NCAPG: variants seen among roughly 807,000 people sequenced by gnomAD.
NCAPG encodes non-SMC condensin I complex subunit G.
A neutral mutation model predicts 113.1 loss-of-function variants in NCAPG; 69 were observed. The observed-to-expected ratio is 0.61, with a 90% CI of 0.50 to 0.75. The LOEUF (loss-of-function observed/expected upper bound fraction) is 0.75, where lower values mean the gene tolerates loss of function less well. Among genes scored for constraint, NCAPG ranks in the 30% least tolerant of loss-of-function variants. The pLI, the probability that NCAPG is intolerant of heterozygous loss-of-function variation, is 0.00. For synonymous variants in NCAPG, 370 were observed against 415.8 expected, an observed-to-expected ratio of 0.89 and a Z score of 1.34; for missense variants, 1,058 against 1,177.0, an observed-to-expected ratio of 0.90 and a Z score of 1.48.
rs148417654 is a variant in NCAPG, at chr4:17,843,979, A to C, written c.*554A>C. 1 of 152,118 alleles carries C rather than the reference A, an allele frequency of 6.6e-6. No homozygotes were observed. Among genetic ancestry groups the C allele is most frequent in the East Asian group, 1.9e-4 (1 of 5,184 alleles). The allele number at this position is 152,118 out of a possible 1,614,324, so 9.4% of individuals were successfully genotyped here. A position where few individuals can be genotyped will look rare whatever the true frequency, so the allele number is the denominator to read the frequency against. ...ATTTTGTGATTCCTACAGTGAAAAC[A>C]TTTTTGGTGATATCTGCCTGGGAAA... On this transcript the variant is annotated 3_prime_UTR_variant, in exon 21 of 21. Coordinates refer to ENST00000251496, the MANE Select transcript of NCAPG (RefSeq NM_022346.5).
In NCAPG at chr4:17,844,453, GTA is replaced by G. The variant is rs1722729770; in HGVS notation, c.*1029_*1030del. 6.6e-6 allele frequency: 1 copy of G among 152,390 alleles called. No homozygotes were observed. The highest frequency in any genetic ancestry group is 1.5e-5 in the Non-Finnish European group (1 of 67,866). The allele number at this position is 152,390 out of a possible 1,614,324, so 9.4% of individuals were successfully genotyped here. A position where few individuals can be genotyped will look rare whatever the true frequency, so the allele number is the denominator to read the frequency against. ...GGTGAAATTTTAAGATGGAGCTAAA[GTA>G]AGATCACTGGTTTTTAGAACCAAAT... is the stretch of plus-strand genomic sequence containing the variant. On this transcript the variant is annotated 3_prime_UTR_variant, in exon 21 of 21. Coordinates refer to ENST00000251496, the MANE Select transcript of NCAPG (RefSeq NM_022346.5).
At chr4:17,813,246 G>A (rs1388334430) in intron 3 of NCAPG, 101 bp downstream of exon 3, 2 of 911,072 alleles carry the variant, frequency 2.2e-6, no homozygotes, top group Non-Finnish European at 3.2e-6. Flanking sequence ...AAGAGTATAG[G>A]TAATTAATAT....
At chr4:17,825,341 AG>A (rs760121954) in intron 10 of NCAPG, 40 bp from the exon 11 acceptor site, 1 of 1,493,124 alleles carries the variant, frequency 6.7e-7, no homozygotes, top group South Asian at 1.3e-5. Flanking sequence ...TCATATTAAC[AG>A]TTTTTGTTCA....
intron 19 of NCAPG, 188 bp from the exon 20 acceptor site, chr4:17,842,122 T>A (rs1722468999): frequency 1.9e-6 from 1 of 532,038 alleles, no homozygotes; most frequent in South Asian, 2.5e-5. Flanking sequence ...AATTAAGTTT[T>A]AATCTTGCTT....
Position 17,844,818 on chromosome 4 carries a change from C to T in NCAPG, c.*1393C>T, listed in dbSNP as rs926654057. Reference sequence around the variant, plus strand: ...CCATGTTCTCATGTGGTTTACCATACCAAAGCTTGCTTTCTCTGGCATGGG... The same window carrying T: ...CCATGTTCTCATGTGGTTTACCATATCAAAGCTTGCTTTCTCTGGCATGGG... On this transcript the variant is annotated 3_prime_UTR_variant, in exon 21 of 21. Coordinates refer to ENST00000251496, the MANE Select transcript of NCAPG (RefSeq NM_022346.5). 1.3e-5 allele frequency: 2 copies of T among 152,308 alleles called. No individual in the cohort carries two copies. The highest frequency in any genetic ancestry group is 2.4e-5 in the African/African-American group (1 of 41,434). 9.4% of individuals were successfully genotyped at this position (152,308 alleles called of 1,614,324 possible).
At chr4:17,815,412 T>A in intron 5 of NCAPG, 54 bp downstream of exon 5, 1 of 1,310,200 alleles carries the variant, frequency 7.6e-7, no homozygotes, top group South Asian at 1.3e-5. Flanking sequence ...GAGGTCAGAC[T>A]TAACAAGGTT....
chr4:17,835,058 G>T (rs1722039188), intron 14 of NCAPG, among the ~76,000 whole-genome samples: 1 of 152,006 alleles, frequency 6.6e-6, no homozygotes, highest in African/African-American at 2.4e-5. Flanking sequence ...TTTTATATTG[G>T]GTGGGTAGAA....
intron 7 of NCAPG, among the ~76,000 whole-genome samples, chr4:17,819,759 A>G (rs544772987): frequency 1.3e-5 from 2 of 149,158 alleles, no homozygotes; most frequent in Admixed American, 1.3e-4. Flanking sequence ...AATTATCTGT[A>G]TGAAGTACAG....
At chr4:17,818,193 T>A in intron 7 of NCAPG, 105 bp downstream of exon 7, 2 of 1,289,272 alleles carry the variant, frequency 1.6e-6, no homozygotes, top group Non-Finnish European at 1.1e-6. Flanking sequence ...ATGTTAAAAA[T>A]CCTTTTTTTG....
In NCAPG at chr4:17,842,323, GAC is replaced by G; in HGVS notation, c.2870_2871del (p.Thr957SerfsTer4). The G allele has an allele frequency of 1.2e-6, 2 of 1,611,980 alleles. No homozygotes were observed. Among genetic ancestry groups the G allele is most frequent in the Non-Finnish European group, 1.7e-6 (2 of 1,178,406 alleles). On this transcript the variant is annotated frameshift_variant, in exon 20 of 21. Coordinates refer to ENST00000251496, the MANE Select transcript of NCAPG (RefSeq NM_022346.5). LOFTEE classifies it high-confidence loss of function. ...LKTNRGQRKV[T>X]VSARTNRRCQ... Reference sequence around the variant, plus strand: ...ACTATCTTCAAGGACAGAGAAAAGTGACAGTTTCAGCTAGGACGAACAGGAGG... The same window carrying G: ...ACTATCTTCAAGGACAGAGAAAAGTGAGTTTCAGCTAGGACGAACAGGAGG...
Position 17,812,940 on chromosome 4 carries a change from A to G in NCAPG, c.339A>G (p.Ala113=), listed in dbSNP as rs747863006. The G allele has an allele frequency of 4.3e-6, 7 of 1,613,904 alleles. No individual in the cohort carries two copies. Among genetic ancestry groups the G allele is most frequent in the Non-Finnish European group, 5.1e-6 (6 of 1,179,920 alleles). Residue 113 remains alanine, a synonymous_variant, in exon 3 of 21, where the codon GCA becomes GCG. Coordinates refer to ENST00000251496, the MANE Select transcript of NCAPG (RefSeq NM_022346.5). ...LLKSHEANSN[A]VRFRVCLLIN... ...AGTCTCATGAAGCAAACAGCAATGC[A>G]GTGAGATTTAGAGTGTGCCTGCTCA...
In NCAPG at chr4:17,839,970, T is replaced by C. The variant is rs978167139; in HGVS notation, c.2629-101T>C. On this transcript the variant is annotated intron_variant, in intron 17 of 20. Coordinates refer to ENST00000251496, the MANE Select transcript of NCAPG (RefSeq NM_022346.5). ...TGAAGTATTTTCTTCATAAATTTCA[T>C]ATAATTTAGTGTTTTTAAACAACTT... 14 of 1,459,442 alleles carry C rather than the reference T, an allele frequency of 9.6e-6. No individual in the cohort carries two copies. In the Admixed American group the frequency reaches 1.0e-4, roughly 11 times the overall value. The allele number at this position is 1,459,442 out of a possible 1,614,324, so 90.4% of individuals were successfully genotyped here. A position where few individuals can be genotyped will look rare whatever the true frequency, so the allele number is the denominator to read the frequency against.
At chr4:17,826,875 G>A (rs1721675556) in intron 11 of NCAPG, among the ~76,000 whole-genome samples, 1 of 152,230 alleles carries the variant, frequency 6.6e-6, no homozygotes, top group South Asian at 2.1e-4. Context: ...TTCTGTGGTA[G>A]TCACAGCATT....
intron 8 of NCAPG, 115 bp from the exon 9 acceptor site, chr4:17,823,532 T>C (rs962006741): frequency 4.5e-6 from 4 of 896,738 alleles, no homozygotes; most frequent in South Asian, 1.8e-5. Flanking sequence ...ATTATAGTGA[T>C]AAACCTAAGT....
Position 17,840,111 on chromosome 4 carries a change from T to C in NCAPG, c.2669T>C (p.Ile890Thr). Reference protein sequence around the residue: ...DRTCLRALEKIKIQLEKGNKE... With the variant: ...DRTCLRALEKTKIQLEKGNKE... ...ACATGTCTGAGAGCTTTGGAGAAAA[T>C]CAAGATTCAGTTAGAAAAAGGAAAT... Residue 890 changes from isoleucine (I) to threonine (T), a missense_variant, in exon 18 of 21, where the codon ATC becomes ACC. Ile to Thr is a moderately conservative substitution (Grantham distance 89, BLOSUM62 -1). Coordinates refer to ENST00000251496, the MANE Select transcript of NCAPG (RefSeq NM_022346.5). 1 of 1,611,660 alleles carries C rather than the reference T, an allele frequency of 6.2e-7. No individual in the cohort carries two copies. Among genetic ancestry groups the C allele is most frequent in the Non-Finnish European group, 8.5e-7 (1 of 1,178,960 alleles).
chr4:17,821,650 G>T (rs548737862), intron 7 of NCAPG, among the ~76,000 whole-genome samples: 4 of 151,810 alleles, frequency 2.6e-5, no homozygotes, highest in Non-Finnish European at 1.5e-5. Flanking sequence ...TTTTAGTAGA[G>T]ATGGGGTTTT....
At chr4:17,817,523 C>T in intron 6 of NCAPG, 70 bp downstream of exon 6, 5 of 1,241,892 alleles carry the variant, frequency 4.0e-6, no homozygotes, top group East Asian at 2.3e-5. Flanking sequence ...TTTTTTTCCT[C>T]CCCATAGCTT....
chr4:17,829,352 G>A (rs1366247941), intron 12 of NCAPG, among the ~76,000 whole-genome samples: 1 of 152,200 alleles, frequency 6.6e-6, no homozygotes, highest in Non-Finnish European at 1.5e-5. Flanking sequence ...GTTCCTGAAT[G>A]TAGTAAAGAA....
chr4:17,818,769 T>C (rs1050546027), intron 7 of NCAPG, among the ~76,000 whole-genome samples: 2 of 152,194 alleles, frequency 1.3e-5, no homozygotes, highest in Admixed American at 1.3e-4. Context: ...ATATGCCTTT[T>C]TAAAAAACAA....
Sources: allele counts gnomAD v4.1 joint callset (sites outside exome capture counted in the v4.1 genomes callset), GRCh38; gene constraint gnomAD v4.1.1; transcripts MANE v1.5; gene names NCBI Gene and HGNC (gene_info 2026-07-23, HGNC 2026-07-21).